RPS27: variants seen among roughly 807,000 people sequenced by gnomAD.
RPS27 encodes the protein ribosomal protein S27, also known as small ribosomal subunit protein eS27.
RPS27 carries 1 observed loss-of-function variant against 11.8 expected under a neutral mutation model. That is an observed-to-expected ratio of 0.08 (90% CI 0.03 to 0.40). RPS27 has a LOEUF of 0.40. Among genes scored for constraint, RPS27 ranks in the 10% least tolerant of loss-of-function variants. The probability of loss-of-function intolerance (pLI) is 0.98; values close to 1 mark genes in which losing one functional copy is unlikely to be tolerated. For synonymous variants in RPS27, 42 were observed against 33.8 expected (o/e 1.24, Z -0.84); for missense variants, 44 against 100.1 (o/e 0.44, Z 2.39).
intron 1 of RPS27, 65 bp downstream of exon 1, chr1:153,990,867 T>G: frequency 3.1e-6 from 5 of 1,605,700 alleles, no homozygotes; most frequent in Non-Finnish European, 4.3e-6. Context: ...CCCCTCACGC[T>G]GATTTCGGAT....
intron 1 of RPS27, 104 bp downstream of exon 1, chr1:153,990,906 C>T: frequency 6.7e-7 from 1 of 1,483,822 alleles, no homozygotes; most frequent in Non-Finnish European, 9.4e-7. Context: ...ACCCTCTGCA[C>T]TTCTTAGGAC....
In RPS27 at chr1:153,990,992, A is replaced by C. The variant is rs1036917762; in HGVS notation, c.7-123A>C. ...CGGAGAGGAGATAAGATGGCGGCCC[A>C]GCTGCGCAGACACCAGGGGCGGCGA... On this transcript the variant is annotated intron_variant, in intron 1 of 3. Transcript: ENST00000651669. 4 of 1,162,874 alleles carry C rather than the reference A, an allele frequency of 3.4e-6. No individual in the cohort carries two copies. The African/African-American group carries it at 6.1e-5, about 18-fold the overall frequency. 72.0% of individuals were successfully genotyped at this position (1,162,874 alleles called of 1,614,324 possible).
At chr1:153,991,342 G>C (rs767933471) in intron 2 of RPS27, 119 bp downstream of exon 2, 13 of 1,517,674 alleles carry the variant, frequency 8.6e-6, no homozygotes, top group Admixed American at 4.8e-5. Context: ...CTTCGCCTGT[G>C]GAAAATATTT....
chr1:153,991,885 G>A (rs922274687), intron 3 of RPS27, among the ~76,000 whole-genome samples, 180 bp from the exon 4 acceptor site: 3 of 151,360 alleles, frequency 2.0e-5, no homozygotes, highest in African/African-American at 7.3e-5. Context: ...GGGGATAAAT[G>A]GGTGATAAAA....
rs1291385610 is a variant in RPS27, at chr1:153,990,819, A to G, written c.6+17A>G. On this transcript the variant is annotated intron_variant, in intron 1 of 3. Transcript: ENST00000651669. ...AACATGCCTGTGAGTGCTTTGGTCC[A>G]GGTTTCGGCGGAGATCTCGCTGTTC... The G allele has an allele frequency of 5.0e-6, 8 of 1,614,082 alleles. No homozygotes were observed. The highest frequency in any genetic ancestry group is 4.0e-5 in the African/African-American group (3 of 74,928).
At chr1:153,991,034 G>A in intron 1 of RPS27, 81 bp from the exon 2 acceptor site, 1 of 1,225,794 alleles carries the variant, frequency 8.2e-7, no homozygotes, top group Non-Finnish European at 1.1e-6. Context: ...AGCTCTCCCC[G>A]GTGTGTGACA....
intron 1 of RPS27, 124 bp downstream of exon 1, chr1:153,990,926 A>G: frequency 1.4e-6 from 2 of 1,434,354 alleles, no homozygotes; most frequent in Non-Finnish European, 2.0e-6. Context: ...CATTAACTCC[A>G]GGGACCGCAG....
chr1:153,990,999 C>T, intron 1 of RPS27, 116 bp from the exon 2 acceptor site: 1 of 1,164,484 alleles, frequency 8.6e-7, no homozygotes, highest in Non-Finnish European at 1.2e-6. Flanking sequence ...CCCAGCTGCG[C>T]AGACACCAGG....
chr1:153,990,987 G>T, intron 1 of RPS27, 128 bp from the exon 2 acceptor site: 1 of 1,169,924 alleles, frequency 8.5e-7, no homozygotes, highest in Non-Finnish European at 1.2e-6. Flanking sequence ...ATAAGATGGC[G>T]GCCCAGCTGC....
intron 2 of RPS27, 21 bp downstream of exon 2, chr1:153,991,244 A>C (rs748421500): frequency 6.3e-7 from 1 of 1,582,960 alleles, no homozygotes; most frequent in Non-Finnish European, 8.6e-7. Context: ...GGCTTGCTGT[A>C]GTGGGGAAAG....
At chr1:153,991,297 C>T (rs901124075) in intron 2 of RPS27, 74 bp downstream of exon 2, 23 of 1,554,122 alleles carry the variant, frequency 1.5e-5, no homozygotes, top group African/African-American at 9.6e-5. Context: ...TGTTAGCTGT[C>T]TCGTATCCTT....
rs758774553 is a variant in RPS27, at chr1:153,991,106, C to T, written c.7-9C>T. On this transcript the variant is annotated splice_polypyrimidine_tract_variant and intron_variant, in intron 1 of 3. Transcript: ENST00000651669. ...GGTTTCTAAATCTCTGCATTTCTGT[C>T]CCTCTTAGCTCGCAAAGGATCTCCT... 61 of 1,556,950 alleles carry T rather than the reference C, an allele frequency of 3.9e-5. No homozygotes were observed. The highest frequency in any genetic ancestry group is 2.5e-4 in the Admixed American group (13 of 51,552).
At chr1:153,991,756 T>G (rs960668231) in intron 3 of RPS27, 80 bp downstream of exon 3, 1 of 943,004 alleles carries the variant, frequency 1.1e-6, no homozygotes, top group African/African-American at 1.6e-5. Flanking sequence ...TTTTCGGTCT[T>G]AACAGTGACA....
rs1424373971 is a variant in RPS27 at position 153,991,203 on chromosome 1, T to A, written c.95T>A (p.Phe32Tyr). 1 of 1,598,462 alleles carries A rather than the reference T, an allele frequency of 6.3e-7. No homozygotes were observed. The highest frequency in any genetic ancestry group is 8.5e-7 in the Non-Finnish European group (1 of 1,170,044). ...CTGGTGCAGAGCCCCAATTCCTACT[T>A]CATGGATGTGAAATGCCCAGGTGAG... ...KRLVQSPNSY[F>Y]MDVKCPGCYK... Residue 32 changes from phenylalanine to tyrosine, a missense_variant, in exon 2 of 4, where the codon TTC becomes TAC. Physicochemically the swap from Phe to Tyr is conservative, Grantham distance 22 (BLOSUM62 3). Transcript: ENST00000651669.
In RPS27 at chr1:153,992,142, T is replaced by G. The variant is rs376914690; in HGVS notation, c.*49T>G. The stretch of plus-strand genomic sequence containing the variant: ...GGGAAACCATCTCAATAAACACATT[T>G]TGGATAAATCCTGTTTATTGTCTTG... On this transcript the variant is annotated 3_prime_UTR_variant, in exon 4 of 4. Coordinates refer to ENST00000651669, the MANE Select transcript of RPS27 (RefSeq NM_001030.6). 7 of 1,519,602 alleles carry G rather than the reference T, an allele frequency of 4.6e-6. No individual in the cohort carries two copies. Among genetic ancestry groups the G allele is most frequent in the Non-Finnish European group, 6.4e-6 (7 of 1,101,840 alleles). The allele number at this position is 1,519,602 out of a possible 1,614,324, so 94.1% of individuals were successfully genotyped here. A position where few individuals can be genotyped will look rare whatever the true frequency, so the allele number is the denominator to read the frequency against.
At chr1:153,991,347 A>C in intron 2 of RPS27, 124 bp downstream of exon 2, 3 of 1,516,500 alleles carry the variant, frequency 2.0e-6, no homozygotes, top group Non-Finnish European at 2.6e-6. Flanking sequence ...CCTGTGGAAA[A>C]TATTTTCCCT....
intron 1 of RPS27, 135 bp downstream of exon 1, chr1:153,990,937 C>A: frequency 7.3e-7 from 1 of 1,374,938 alleles, no homozygotes; most frequent in Non-Finnish European, 1.0e-6. Flanking sequence ...GGGACCGCAG[C>A]GGCCCACGGG....
chr1:153,991,755 T>G (rs1649422425), intron 3 of RPS27, 79 bp downstream of exon 3: 2 of 962,462 alleles, frequency 2.1e-6, no homozygotes, highest in African/African-American at 3.3e-5. Context: ...TTTTTCGGTC[T>G]TAACAGTGAC....
Position 153,991,675 on chromosome 1 carries a change from A to G in RPS27, c.225A>G (p.Glu75=), listed in dbSNP as rs767031397. 1.3e-6 allele frequency: 2 copies of G among 1,583,012 alleles called. No homozygotes were observed. Among genetic ancestry groups the G allele is most frequent in the East Asian group, 4.5e-5 (2 of 44,726 alleles). Residue 75 remains glutamate, a splice_region_variant and synonymous_variant, in exon 3 of 4, where the codon GAA becomes GAG. Transcript: ENST00000651669. ...QPTGGKARLT[E]GCSFRRKQH is the part of the protein sequence containing the mutation. ...CAGGAGGAAAAGCAAGGCTTACAGA[A>G]GGTAAATGGTTTACTAATGTGATTT...
Sources: allele counts gnomAD v4.1 joint callset (sites outside exome capture counted in the v4.1 genomes callset), GRCh38; gene constraint gnomAD v4.1.1; transcripts MANE v1.5; gene names NCBI Gene and HGNC (gene_info 2026-07-23, HGNC 2026-07-21).